Variants in KIAA1217 observed in about 807,000 individuals in gnomAD.
KIAA1217 encodes KIAA1217.
Under a neutral mutation model 163.9 loss-of-function variants are expected in KIAA1217, and 88 were observed. The observed-to-expected ratio is 0.54, with a 90% CI of 0.45 to 0.64. KIAA1217 has a LOEUF of 0.64. Among genes scored for constraint, KIAA1217 ranks in the 30% least tolerant of loss-of-function variants. KIAA1217 has a pLI of 0.00. For synonymous variants in KIAA1217, 903 were observed against 923.1 expected (o/e 0.98, Z 0.39); for missense variants, 2,372 against 2,475.0 (o/e 0.96, Z 0.88).
intron 1 of KIAA1217, among the ~76,000 whole-genome samples, chr10:23,928,595 T>C (rs938376085): frequency 2.6e-5 from 4 of 152,172 alleles, no homozygotes; most frequent in Non-Finnish European, 5.9e-5. Context: ...TGTTCTCCTG[T>C]AACTTAAAGT....
intron 2 of KIAA1217, among the ~76,000 whole-genome samples, chr10:24,198,901 A>G (rs776585637): frequency 5.9e-5 from 9 of 152,152 alleles, no homozygotes; most frequent in Non-Finnish European, 1.3e-4. Flanking sequence ...CCGAACTACT[A>G]GGCCTTAGGA....
intron 2 of KIAA1217, among the ~76,000 whole-genome samples, chr10:24,025,250 C>T (rs1564618237): frequency 6.6e-6 from 1 of 151,672 alleles, no homozygotes; most frequent in Non-Finnish European, 1.5e-5. Context: ...TGCAACTATT[C>T]TAGTGTGATT....
chr10:24,504,804 G>C (rs2134060079), intron 9 of KIAA1217, among the ~76,000 whole-genome samples: 1 of 152,272 alleles, frequency 6.6e-6, no homozygotes, highest in Middle Eastern at 3.4e-3. Context: ...CAAAACTGAT[G>C]GATTATTCTC....
At chr10:23,784,120 G>A (rs998055226) in intron 1 of KIAA1217, among the ~76,000 whole-genome samples, 9 of 151,844 alleles carry the variant, frequency 5.9e-5, no homozygotes, top group Non-Finnish European at 1.0e-4. Flanking sequence ...CTCTGGGGTT[G>A]GATTCATGTA....
intron 1 of KIAA1217, among the ~76,000 whole-genome samples, chr10:23,715,946 T>C (rs1837541118): frequency 6.6e-6 from 1 of 152,140 alleles, no homozygotes; most frequent in Non-Finnish European, 1.5e-5. Flanking sequence ...TTGCACCAAT[T>C]TGCAAGTTAA....
intron 9 of KIAA1217, 139 bp downstream of exon 9, chr10:24,501,684 A>C: frequency 2.0e-6 from 1 of 499,510 alleles, no homozygotes; most frequent in Non-Finnish European, 3.3e-6. Context: ...ACACAATCCA[A>C]GTCTAGAGCC....
At chr10:24,480,212 A>T (rs2064503285) in intron 6 of KIAA1217, among the ~76,000 whole-genome samples, 1 of 152,344 alleles carries the variant, frequency 6.6e-6, no homozygotes, top group Non-Finnish European at 1.5e-5. Flanking sequence ...CTCTAAAGGA[A>T]ATTTGAACTT....
At chr10:24,175,993 A>G (rs547715363) in intron 2 of KIAA1217, among the ~76,000 whole-genome samples, 32 of 152,318 alleles carry the variant, frequency 2.1e-4, no homozygotes, top group Admixed American at 3.3e-4. Flanking sequence ...CACACTGTGG[A>G]AGGGGACCCA....
At chr10:24,359,079 T>C (rs1483230029) in intron 2 of KIAA1217, among the ~76,000 whole-genome samples, 2 of 61,146 alleles carry the variant, frequency 3.3e-5, no homozygotes, top group East Asian at 5.1e-4. Flanking sequence ...TCTTTCTTTC[T>C]TTCTTTTTTT....
intron 1 of KIAA1217, among the ~76,000 whole-genome samples, chr10:23,934,561 A>G (rs1196908283): frequency 1.6e-4 from 5 of 31,988 alleles, no homozygotes; most frequent in Admixed American, 1.1e-3. Flanking sequence ...TTTAAAGTAT[A>G]TATATATATA....
At chr10:24,492,206 C>T (rs1263696520) in intron 6 of KIAA1217, among the ~76,000 whole-genome samples, 1 of 152,218 alleles carries the variant, frequency 6.6e-6, no homozygotes, top group African/African-American at 2.4e-5. Context: ...CCAACCACCA[C>T]TCCCATTTTT....
intron 2 of KIAA1217, among the ~76,000 whole-genome samples, chr10:24,372,725 T>C (rs1456734971): frequency 6.6e-6 from 1 of 152,238 alleles, no homozygotes. Flanking sequence ...GGCTCTATTG[T>C]GTCCAATTAC....
intron 1 of KIAA1217, among the ~76,000 whole-genome samples, chr10:23,871,299 T>C (rs541429406): frequency 1.3e-5 from 2 of 152,146 alleles, no homozygotes; most frequent in African/African-American, 4.8e-5. Flanking sequence ...ATAGAAGAGA[T>C]AGTCAGTTTC....
intron 2 of KIAA1217, among the ~76,000 whole-genome samples, chr10:24,155,869 T>G (rs1280861749): frequency 2.0e-5 from 3 of 152,114 alleles, no homozygotes; most frequent in African/African-American, 7.2e-5. Context: ...TGGGGATCAT[T>G]TGGGCCACTC....
At chr10:24,152,006 G>C (rs1381066499) in intron 2 of KIAA1217, among the ~76,000 whole-genome samples, 1 of 152,094 alleles carries the variant, frequency 6.6e-6, no homozygotes, top group African/African-American at 2.4e-5. Context: ...AACCAGAGTA[G>C]TTAAGTTTTG....
At chr10:24,398,256 T>C (rs1008762450) in intron 3 of KIAA1217, among the ~76,000 whole-genome samples, 2 of 152,202 alleles carry the variant, frequency 1.3e-5, no homozygotes, top group Admixed American at 6.5e-5. Flanking sequence ...GAAACTACTA[T>C]TTATTTAGTG....
At position 24,532,647 on chromosome 10, in the gene KIAA1217, A is replaced by G. The variant is rs138042551; in HGVS notation, c.3247-423A>G. Among the ~76,000 whole-genome samples, 534 of 151,918 alleles carry G rather than the reference A, an allele frequency of 3.5e-3. 10 individuals carry two copies. The highest frequency in any genetic ancestry group is 0.027 in the East Asian group (139 of 5,168). ...GGCAAGAAAGAGATTGTGCAGGGGA[A>G]CTCCCATTTATAAAACGGTCCGATC... On this transcript the variant is annotated intron_variant, in intron 15 of 20. Transcript: ENST00000376454.
intron 2 of KIAA1217, among the ~76,000 whole-genome samples, chr10:24,230,136 GAA>G (rs1443472245): frequency 6.6e-6 from 1 of 152,074 alleles, no homozygotes; most frequent in Non-Finnish European, 1.5e-5. Context: ...TATAATGGTG[GAA>G]AAGACTGTAA....
At chr10:24,089,595 C>T (rs1166424498) in intron 2 of KIAA1217, among the ~76,000 whole-genome samples, 1 of 151,670 alleles carries the variant, frequency 6.6e-6, no homozygotes, top group Non-Finnish European at 1.5e-5. Context: ...TGTCAAAGAT[C>T]AGATAGTTGT....
Sources: allele counts gnomAD v4.1 joint callset (sites outside exome capture counted in the v4.1 genomes callset), GRCh38; gene constraint gnomAD v4.1.1; transcripts MANE v1.5; gene names NCBI Gene and HGNC (gene_info 2026-07-23, HGNC 2026-07-21).